BCKDHB: variants seen among roughly 807,000 people sequenced by gnomAD.
BCKDHB encodes 2-oxoisovalerate dehydrogenase subunit beta, mitochondrial.
Under a neutral mutation model 48.5 loss-of-function variants are expected in BCKDHB, and 41 were observed. That is an observed-to-expected ratio of 0.85 (90% CI 0.66 to 1.10). The LOEUF (loss-of-function observed/expected upper bound fraction) is 1.10. Among genes scored for constraint, BCKDHB ranks in the 50% least tolerant of loss-of-function variants. BCKDHB has a pLI of 0.00. For missense variants in BCKDHB, 496 were observed against 494.2 expected (o/e 1.00, Z -0.03); for synonymous variants, 201 against 174.8 (o/e 1.15, Z -1.18).
chr6:80,392,381 T>C, the BCKDHB span, among the ~76,000 whole-genome samples: 1 of 151,130 alleles, frequency 6.6e-6, no homozygotes, highest in Non-Finnish European at 1.5e-5. Context: ...TTATTTATTT[T>C]GAACTTTCCT....
chr6:80,319,264 C>G (rs1026794136), intron 9 of BCKDHB, among the ~76,000 whole-genome samples: 1 of 152,186 alleles, frequency 6.6e-6, no homozygotes, highest in Non-Finnish European at 1.5e-5. Context: ...CTGGCTGACT[C>G]TTTAGGTATG....
Position 80,106,698 on chromosome 6 carries a change from C to T in BCKDHB, c.5C>T (p.Ala2Val), listed in dbSNP as rs769876670. The change falls in exon 1 of 10, where the codon GCG becomes GTG. Residue 2 changes from alanine to valine, a missense_variant. Coordinates refer to ENST00000320393, the MANE Select transcript of BCKDHB (RefSeq NM_183050.4). MAVVAAAAGWLL... is the reference protein window; with the variant it reads MVVVAAAAGWLL... ...GAATCCCGGTGGTGAGCGGGGATGGCGGTTGTAGCGGCGGCTGCCGGCTGG... is the reference window on the plus strand; with the variant it reads ...GAATCCCGGTGGTGAGCGGGGATGGTGGTTGTAGCGGCGGCTGCCGGCTGG... The T allele has an allele frequency of 2.7e-5, 42 of 1,555,436 alleles. No individual in the cohort carries two copies. In the African/African-American group the frequency reaches 4.6e-4, roughly 17 times the overall value.
At chr6:80,215,001 A>G (rs1411554057) in intron 8 of BCKDHB, among the ~76,000 whole-genome samples, 2 of 152,218 alleles carry the variant, frequency 1.3e-5, no homozygotes, top group Non-Finnish European at 2.9e-5. Flanking sequence ...AGGGTAGACT[A>G]TAATAAAGTC....
chr6:80,244,663 G>T (rs1485606407), intron 8 of BCKDHB, among the ~76,000 whole-genome samples: 2 of 152,174 alleles, frequency 1.3e-5, no homozygotes, highest in African/African-American at 4.8e-5. Flanking sequence ...GCTCATGGAA[G>T]AAATTAGTTT....
the BCKDHB span, among the ~76,000 whole-genome samples, chr6:80,372,664 G>A: frequency 1.3e-5 from 2 of 152,204 alleles, no homozygotes; most frequent in East Asian, 3.9e-4. Flanking sequence ...ATAAAGGGAT[G>A]CTGGATTTTG....
At chr6:80,372,151 T>C in the BCKDHB span, among the ~76,000 whole-genome samples, 1 of 152,256 alleles carries the variant, frequency 6.6e-6, no homozygotes, top group African/African-American at 2.4e-5. Context: ...TTGTCTATGA[T>C]TTTTTTAAGC....
At chr6:80,294,604 G>T (rs554337959) in intron 9 of BCKDHB, among the ~76,000 whole-genome samples, 2 of 152,130 alleles carry the variant, frequency 1.3e-5, no homozygotes, top group Non-Finnish European at 2.9e-5. Flanking sequence ...TGCATTCCTG[G>T]GGGAGGTCTA....
intron 9 of BCKDHB, among the ~76,000 whole-genome samples, chr6:80,327,918 C>T (rs990653341): frequency 3.9e-5 from 5 of 127,550 alleles, no homozygotes; most frequent in Non-Finnish European, 8.1e-5. Flanking sequence ...CCTCCCTTCT[C>T]CCCTCCCCTC....
At chr6:80,410,171 G>A in the BCKDHB span, among the ~76,000 whole-genome samples, 1 of 152,126 alleles carries the variant, frequency 6.6e-6, no homozygotes, top group Non-Finnish European at 1.5e-5. Flanking sequence ...GCAATTGCGT[G>A]TCTCTAAAGG....
At chr6:80,200,790 G>A (rs1774353975) in intron 6 of BCKDHB, 144 bp from the exon 7 acceptor site, 1 of 661,824 alleles carries the variant, frequency 1.5e-6, no homozygotes, top group South Asian at 1.8e-5. Context: ...TATCATAAAT[G>A]CTATTTCTGT....
intron 8 of BCKDHB, among the ~76,000 whole-genome samples, chr6:80,239,742 C>T (rs1182280293): frequency 6.6e-6 from 1 of 152,150 alleles, no homozygotes; most frequent in Non-Finnish European, 1.5e-5. Flanking sequence ...TTAGGTCTAA[C>T]ATTTAAGTCT....
At chr6:80,311,913 C>T (rs28888768) in intron 9 of BCKDHB, among the ~76,000 whole-genome samples, 11,956 of 152,174 alleles carry the variant, frequency 0.079, 658 homozygotes, top group South Asian at 0.24. Context: ...TATTTGGGCT[C>T]TTTTCAGGTT....
At position 80,161,364 on chromosome 6, in the gene BCKDHB, C is replaced by G. The variant is rs137903918; in HGVS notation, c.344-6314C>G. ...ACACACTATTTAATATATTGAATTT[C>G]AGAAAGTTGGTTCCAAATATCAAAT... On this transcript the variant is annotated intron_variant, in intron 3 of 9. Transcript: ENST00000320393. 1.7e-3 allele frequency among the ~76,000 whole-genome samples: 265 copies of G among 151,960 alleles called. 1 individual carries two copies. The highest frequency in any genetic ancestry group is 6.1e-3 in the African/African-American group (251 of 41,428).
intron 3 of BCKDHB, among the ~76,000 whole-genome samples, chr6:80,140,670 G>T (rs893774028): frequency 6.6e-6 from 1 of 152,060 alleles, no homozygotes; most frequent in African/African-American, 2.4e-5. Flanking sequence ...GATCATGGTG[G>T]ATAAGCTTTT....
chr6:80,366,956 C>T, the BCKDHB span, among the ~76,000 whole-genome samples: 9 of 152,214 alleles, frequency 5.9e-5, no homozygotes, highest in Non-Finnish European at 1.2e-4. Flanking sequence ...CATGCAAAGT[C>T]TTGCTGCTAA....
chr6:80,349,675 TAGA>T (rs1001827062), downstream of BCKDHB, among the ~76,000 whole-genome samples: 14 of 151,990 alleles, frequency 9.2e-5, no homozygotes, highest in East Asian at 1.9e-4. Flanking sequence ...TCAGACAAAA[TAGA>T]AGAAAATATG....
chr6:80,230,687 T>C (rs2127886342), intron 8 of BCKDHB, among the ~76,000 whole-genome samples: 1 of 152,344 alleles, frequency 6.6e-6, no homozygotes, highest in South Asian at 2.1e-4. Context: ...CTTACGGTTC[T>C]GGAGGCTAGG....
chr6:80,457,645 G>C, the BCKDHB span, among the ~76,000 whole-genome samples: 2 of 152,114 alleles, frequency 1.3e-5, no homozygotes, highest in South Asian at 4.1e-4. Context: ...ATTGTGTAGA[G>C]TCCTGCAGGA....
the BCKDHB span, among the ~76,000 whole-genome samples, chr6:80,391,467 A>G: frequency 3.3e-5 from 5 of 152,112 alleles, no homozygotes; most frequent in African/African-American, 4.8e-5. Flanking sequence ...AGAGCATCAG[A>G]GATTGGAGTG....
Sources: gnomAD v4.1 joint callset for allele counts (sites outside exome capture counted in the v4.1 genomes callset) on GRCh38, gnomAD v4.1.1 for gene constraint, MANE v1.5 for transcripts, NCBI Gene and HGNC (gene_info 2026-07-23, HGNC 2026-07-21) for gene names.